The following SLC5A9 variants were observed in gnomAD, a reference collection of about 807,000 sequenced individuals.
The protein encoded by SLC5A9 is solute carrier family 5 member 9.
A neutral mutation model predicts 70.9 loss-of-function variants in SLC5A9; 59 were observed. That is an observed-to-expected ratio of 0.83 (90% CI 0.68 to 1.03). The LOEUF (loss-of-function observed/expected upper bound fraction) is 1.03. Among genes scored for constraint, SLC5A9 ranks in the 50% least tolerant of loss-of-function variants. The pLI is 0.00. For synonymous variants in SLC5A9, 340 were observed against 346.5 expected (o/e 0.98, Z 0.21); for missense variants, 832 against 881.1 (o/e 0.94, Z 0.71).
In SLC5A9 at chr1:48,229,330, C is replaced by T. The variant is rs764852723; in HGVS notation, c.375C>T (p.Phe125=). 3 of 1,613,910 alleles carry T rather than the reference C, an allele frequency of 1.9e-6. No individual in the cohort carries two copies. Among genetic ancestry groups the T allele is most frequent in the South Asian group, 1.1e-5 (1 of 91,082 alleles). ...TGCTCCTGGCCCTTGGCTGGGTCTT[C>T]GTCCCTGTGTACATCGCAGCAGGTG... ...TWLLLALGWV[F]VPVYIAAGVV... Residue 125 remains phenylalanine (F), a synonymous_variant, in exon 4 of 14, where the codon TTC becomes TTT. Coordinates refer to ENST00000438567, the MANE Select transcript of SLC5A9 (RefSeq NM_001011547.3).
Position 48,224,905 on chromosome 1 carries a change from T to A in SLC5A9, c.234+110T>A, listed in dbSNP as rs748851315. 1.2e-4 allele frequency: 129 copies of A among 1,087,108 alleles called. No homozygotes were observed. In the Middle Eastern group the frequency reaches 1.6e-3, roughly 14 times the overall value. 67.3% of individuals were successfully genotyped at this position (1,087,108 alleles called of 1,614,324 possible). ...TCACACCTGGACCAAGGCAAAGACCTCCCCGTTGTGTTTCCTGACTCTGGG... is the reference window on the plus strand; with the variant it reads ...TCACACCTGGACCAAGGCAAAGACCACCCCGTTGTGTTTCCTGACTCTGGG... On this transcript the variant is annotated intron_variant, in intron 2 of 13. Transcript: ENST00000438567.
At chr1:48,224,817 A>AC (rs1484030317) in intron 2 of SLC5A9, 22 bp downstream of exon 2, 5 of 1,611,722 alleles carry the variant, frequency 3.1e-6, no homozygotes, top group Non-Finnish European at 4.2e-6. Flanking sequence ...CTTCTCAACC[A>AC]CCCCTAGTGC....
intron 2 of SLC5A9, among the ~76,000 whole-genome samples, chr1:48,226,911 A>G (rs1285830024): frequency 5.3e-5 from 8 of 152,144 alleles, no homozygotes; most frequent in African/African-American, 1.9e-4. Flanking sequence ...CAGCCCTACC[A>G]GCACCCTGGG....
chr1:48,232,467 T>C lies in SLC5A9; in HGVS notation c.998T>C (p.Val333Ala). Residue 333 changes from valine to alanine, a missense_variant, in exon 8 of 14, where the codon GTC becomes GCC. By Grantham distance (64) the Val-to-Ala change is moderately conservative. Coordinates refer to ENST00000438567, the MANE Select transcript of SLC5A9 (RefSeq NM_001011547.3). ...AAGATCCTCCCCATGTTCTTCATCG[T>C]CATGCCTGGCATGATCAGCCGGGCC... ...YLKILPMFFIVMPGMISRALF... is the reference protein window; with the variant it reads ...YLKILPMFFIAMPGMISRALF... 6.2e-7 allele frequency: 1 copy of C among 1,614,214 alleles called. No homozygotes were observed. The highest frequency in any genetic ancestry group is 8.5e-7 in the Non-Finnish European group (1 of 1,180,038).
intron 10 of SLC5A9, among the ~76,000 whole-genome samples, chr1:48,236,362 T>C (rs1320653119): frequency 1.3e-5 from 2 of 152,158 alleles, no homozygotes; most frequent in Non-Finnish European, 2.9e-5. Flanking sequence ...GCTCACAGTT[T>C]ATTAAGGAAG....
At position 48,231,680 on chromosome 1, in the gene SLC5A9, T is replaced by C. The variant is rs1344019815; in HGVS notation, c.691+55T>C. ...GTCATTCTTAAATTCCTCTCTGTCC[T>C]GTCTCTGCCACCTCCACAGTTCGAT... On this transcript the variant is annotated intron_variant, in intron 6 of 13. Transcript: ENST00000438567. 11 of 1,597,188 alleles carry C rather than the reference T, an allele frequency of 6.9e-6. No homozygotes were observed. In the East Asian group the frequency reaches 2.5e-4, roughly 36 times the overall value.
At chr1:48,226,473 C>G (rs1046756006) in intron 2 of SLC5A9, among the ~76,000 whole-genome samples, 1 of 152,214 alleles carries the variant, frequency 6.6e-6, no homozygotes, top group African/African-American at 2.4e-5. Context: ...GATGTGCTCC[C>G]CATCCTCTGG....
rs1191158380 is a variant in SLC5A9 at position 48,228,736 on chromosome 1, C to T, written c.235-114C>T. 3 of 1,507,396 alleles carry T rather than the reference C, an allele frequency of 2.0e-6. No homozygotes were observed. In the East Asian group the frequency reaches 7.0e-5, roughly 35 times the overall value. 93.4% of individuals were successfully genotyped at this position (1,507,396 alleles called of 1,614,324 possible). On this transcript the variant is annotated intron_variant, in intron 2 of 13. Coordinates refer to ENST00000438567, the MANE Select transcript of SLC5A9 (RefSeq NM_001011547.3). ...TTAAATGTATTTATGAATGCAGTGC[C>T]TGGCATACAGTGGGTACCCAACAAA...
At chr1:48,233,503 G>T in intron 8 of SLC5A9, 152 bp from the exon 9 acceptor site, 1 of 623,698 alleles carries the variant, frequency 1.6e-6, no homozygotes, top group East Asian at 2.8e-5. Context: ...ATTTACCAAA[G>T]ACCCAGACAC....
chr1:48,224,305 C>G (rs553893227), intron 1 of SLC5A9, among the ~76,000 whole-genome samples: 1 of 152,180 alleles, frequency 6.6e-6, no homozygotes, highest in South Asian at 2.1e-4. Flanking sequence ...TCTGTCCTCC[C>G]GCCTCCAGTG....
At chr1:48,243,347 C>A (rs6670286) in intron 13 of SLC5A9, among the ~76,000 whole-genome samples, 1 of 151,884 alleles carries the variant, frequency 6.6e-6, no homozygotes, top group Non-Finnish European at 1.5e-5. Flanking sequence ...TCTCCTCGAG[C>A]GGCTGATGGG....
Position 48,231,601 on chromosome 1 carries a change from G to T in SLC5A9, c.667G>T (p.Gly223Ter). ...DALQTVIMVGGALVLMFLGFQ... is the reference protein window; with the variant it reads ...DALQTVIMVG ...TCTGCAGACGGTGATCATGGTAGGG[G>T]GAGCCCTGGTCCTCATGTTTCTGGG... Residue 223 changes from glycine to a stop codon, truncating the protein, a stop_gained, in exon 6 of 14, where the codon GGA becomes TGA. Transcript: ENST00000438567. LOFTEE classifies it high-confidence loss of function. 6.2e-7 allele frequency: 1 copy of T among 1,614,162 alleles called. No homozygotes were observed. The highest frequency in any genetic ancestry group is 1.1e-5 in the South Asian group (1 of 91,086).
At chr1:48,229,544 G>C (rs191499287) in intron 4 of SLC5A9, 85 bp downstream of exon 4, 1 of 1,559,134 alleles carries the variant, frequency 6.4e-7, no homozygotes, top group African/African-American at 1.4e-5. Context: ...GTGTTGCTGA[G>C]GGGAAGCTGA....
rs1553132276 is a variant in SLC5A9, at chr1:48,245,077, T to TTTTATATA, written c.1838-2257_1838-2256insTTATATAT. Among the ~76,000 whole-genome samples the TTTTATATA allele has an allele frequency of 1.5e-4, 21 of 140,474 alleles. No individual in the cohort carries two copies. The South Asian group carries it at 2.9e-3, about 20-fold the overall frequency. 92.2% of individuals were successfully genotyped at this position (140,474 alleles called of 152,430 possible). A position where few individuals can be genotyped will look rare whatever the true frequency, so the allele number is the denominator to read the frequency against. Reference sequence around the variant, plus strand: ...AAGTCTCTTCCTTTTCCTGAGACTTTTATATATATATATATATATAAAACT... The same window carrying TTTTATATA: ...AAGTCTCTTCCTTTTCCTGAGACTTTTTTATATATATATATATATATATATATAAAACT... On this transcript the variant is annotated intron_variant, in intron 13 of 13. Transcript: ENST00000438567.
At position 48,228,879 on chromosome 1, in the gene SLC5A9, G is replaced by C. The variant is rs142753383; in HGVS notation, c.264G>C (p.Val88=). 4.8e-5 allele frequency: 78 copies of C among 1,613,838 alleles called. No individual in the cohort carries two copies. The highest frequency in any genetic ancestry group is 1.7e-4 in the Middle Eastern group (1 of 6,058). The change falls in exon 3 of 14, where the codon GTG becomes GTC. Residue 88 remains valine (V), a synonymous_variant. Coordinates refer to ENST00000438567, the MANE Select transcript of SLC5A9 (RefSeq NM_001011547.3). ...GAGCATCTCTGATGTCCAGCAATGTGGGCAGTGGCTTGTTCATCGGCCTGG... is the reference window on the plus strand; with the variant it reads ...GAGCATCTCTGATGTCCAGCAATGTCGGCAGTGGCTTGTTCATCGGCCTGG... The part of the protein sequence containing the change: ...PIGASLMSSN[V]GSGLFIGLAG...
rs12161316 is a variant in SLC5A9 at position 48,232,109 on chromosome 1, C to A, written c.855C>A (p.Phe285Leu). 1 of 1,614,104 alleles carries A rather than the reference C, an allele frequency of 6.2e-7. No homozygotes were observed. The highest frequency in any genetic ancestry group is 8.5e-7 in the Non-Finnish European group (1 of 1,179,998). ...SGDIPWPGLI[F>L]GLTVLATWCW... ...ACATCCCTTGGCCAGGTCTCATTTT[C>A]GGGCTCACAGTGCTGGCCACCTGGT... The change falls in exon 7 of 14, where the codon TTC becomes TTA. Residue 285 changes from phenylalanine to leucine, a missense_variant. Physicochemically the swap from Phe to Leu is conservative, Grantham distance 22. Transcript: ENST00000438567.
At chr1:48,232,207 A>C in intron 7 of SLC5A9, 56 bp downstream of exon 7, 1 of 1,573,494 alleles carries the variant, frequency 6.4e-7, no homozygotes, top group Non-Finnish European at 8.6e-7. Flanking sequence ...GGCTTCCTGC[A>C]GAAAAACCCA....
chr1:48,225,743 T>C (rs1177032570), intron 2 of SLC5A9, among the ~76,000 whole-genome samples: 1 of 151,944 alleles, frequency 6.6e-6, no homozygotes, highest in Non-Finnish European at 1.5e-5. Flanking sequence ...CACACAATCA[T>C]ACTCCTATTC....
chr1:48,238,036 A>T (rs1644351493), intron 11 of SLC5A9, among the ~76,000 whole-genome samples, 189 bp downstream of exon 11: 1 of 152,210 alleles, frequency 6.6e-6, no homozygotes, highest in African/African-American at 2.4e-5. Context: ...TGGCAGCTCC[A>T]GGGATGCAGT....
Sources: gnomAD v4.1 joint callset for allele counts (sites outside exome capture counted in the v4.1 genomes callset) on GRCh38, gnomAD v4.1.1 for gene constraint, MANE v1.5 for transcripts, NCBI Gene and HGNC (gene_info 2026-07-23, HGNC 2026-07-21) for gene names.